The following PARD3B variants were observed in gnomAD, a reference collection of about 807,000 sequenced individuals.
The protein encoded by PARD3B is par-3 family cell polarity regulator beta, also known as partitioning defective 3 homolog B.
Under a neutral mutation model 130.2 loss-of-function variants are expected in PARD3B, and 103 were observed. The observed-to-expected ratio is 0.79, with a 90% CI of 0.67 to 0.93. The LOEUF (loss-of-function observed/expected upper bound fraction) is 0.93. Ranked by LOEUF, PARD3B falls within the 40% of genes least tolerant of loss-of-function variation. The pLI is 0.00. For synonymous variants in PARD3B, 583 were observed against 553.2 expected (o/e 1.05, Z -0.76); for missense variants, 1,609 against 1,499.2 (o/e 1.07, Z -1.21).
chr2:204,636,348 TA>T (rs879919210), intron 1 of PARD3B, among the ~76,000 whole-genome samples: 18 of 152,088 alleles, frequency 1.2e-4, no homozygotes, highest in Non-Finnish European at 1.9e-4. Context: ...CAGGTCAGGT[TA>T]TCCAGCTAGA....
chr2:204,641,329 C>G (rs983505424), intron 1 of PARD3B, among the ~76,000 whole-genome samples: 1 of 151,688 alleles, frequency 6.6e-6, no homozygotes, highest in Admixed American at 6.6e-5. Flanking sequence ...GTAAAAACAA[C>G]TTTGTAAAAT....
At chr2:205,609,553 G>A (rs1444821555) in intron 22 of PARD3B, among the ~76,000 whole-genome samples, 1 of 152,122 alleles carries the variant, frequency 6.6e-6, no homozygotes, top group Non-Finnish European at 1.5e-5. Context: ...GGCTACTTTG[G>A]AAGTTAAAAA....
intron 2 of PARD3B, among the ~76,000 whole-genome samples, chr2:204,766,991 A>ATTGTATTT (rs1553519511): frequency 5.1e-5 from 5 of 98,676 alleles, no homozygotes; most frequent in Non-Finnish European, 1.0e-4. Context: ...CACATTTTTT[A>ATTGTATTT]TTTTATTTTT....
intron 15 of PARD3B, among the ~76,000 whole-genome samples, chr2:205,238,149 G>A (rs11890921): frequency 0.23 from 34,668 of 152,122 alleles, 4,417 homozygotes; most frequent in East Asian, 0.36. Context: ...GGTGCTAGAC[G>A]TGGTACTAGG....
At chr2:205,521,472 TTTATTTTTG>T (rs2051053371) in intron 21 of PARD3B, among the ~76,000 whole-genome samples, 1 of 152,084 alleles carries the variant, frequency 6.6e-6, no homozygotes, top group Non-Finnish European at 1.5e-5. Context: ...CTTAAGGACT[TTTATTTTTG>T]TGTAAACAAA....
intron 2 of PARD3B, among the ~76,000 whole-genome samples, chr2:204,932,453 C>A (rs921778523): frequency 2.6e-5 from 4 of 151,918 alleles, no homozygotes; most frequent in African/African-American, 9.7e-5. Flanking sequence ...TGCATATGAC[C>A]AAGTTGCATT....
At chr2:205,435,535 T>A (rs1195606612) in intron 19 of PARD3B, among the ~76,000 whole-genome samples, 1 of 152,068 alleles carries the variant, frequency 6.6e-6, no homozygotes, top group Non-Finnish European at 1.5e-5. Flanking sequence ...TATTTTCTGC[T>A]ATATGGTAAA....
rs139592131 is a variant in PARD3B, at chr2:204,857,961, G to T, written c.223-107191G>T. On this transcript the variant is annotated intron_variant, in intron 2 of 22. Transcript: ENST00000406610. ...AGATCCTTAATCGTCTAAAGGGAGG[G>T]TTAGTCCTGAACACTTGGTAATTTG... is the stretch of plus-strand genomic sequence containing the variant. Among the ~76,000 whole-genome samples, 100 of 152,208 alleles carry T rather than the reference G, an allele frequency of 6.6e-4. 1 individual carries two copies. The highest frequency in any genetic ancestry group is 6.8e-3 in the Middle Eastern group (2 of 294).
chr2:205,507,196 A>ATTTT (rs71410819), intron 21 of PARD3B, among the ~76,000 whole-genome samples: 2,491 of 25,176 alleles, frequency 0.099, 1,147 homozygotes, highest in East Asian at 0.14. Flanking sequence ...CAGGTGCAGT[A>ATTTT]TTTTTTTTTT....
At chr2:205,002,348 A>G (rs1178985583) in intron 3 of PARD3B, among the ~76,000 whole-genome samples, 1 of 152,148 alleles carries the variant, frequency 6.6e-6, no homozygotes, top group Non-Finnish European at 1.5e-5. Context: ...ATGGTGCCAG[A>G]CCCTGTGCTG....
intron 1 of PARD3B, among the ~76,000 whole-genome samples, chr2:204,564,277 G>A (rs1382442562): frequency 6.6e-6 from 1 of 152,190 alleles, no homozygotes; most frequent in East Asian, 1.9e-4. Context: ...GCAGGTGCCA[G>A]ATGAGTTTCC....
At chr2:205,132,979 C>T (rs1300078863) in intron 10 of PARD3B, among the ~76,000 whole-genome samples, 1 of 151,904 alleles carries the variant, frequency 6.6e-6, no homozygotes, top group East Asian at 1.9e-4. Flanking sequence ...GGCTGGGAAA[C>T]GTATTACTAA....
chr2:204,643,572 A>AT (rs951553052), intron 1 of PARD3B, among the ~76,000 whole-genome samples: 2 of 152,130 alleles, frequency 1.3e-5, no homozygotes, highest in African/African-American at 4.8e-5. Context: ...CCCAACACAG[A>AT]TTCGTAAACT....
rs1343427850 is a variant in PARD3B, at chr2:205,530,421, G to T, written c.3181-22903G>T. Among the ~76,000 whole-genome samples, 1 of 152,130 alleles carries T rather than the reference G, an allele frequency of 6.6e-6. No individual in the cohort carries two copies. Among genetic ancestry groups the T allele is most frequent in the Non-Finnish European group, 1.5e-5 (1 of 68,038 alleles). On this transcript the variant is annotated intron_variant, in intron 21 of 22. Coordinates refer to ENST00000406610, the MANE Select transcript of PARD3B (RefSeq NM_001302769.2). The surrounding 1 kb of genome is among the most constrained non-coding windows in gnomAD (Gnocchi z 4.7). ...TTGTAGCAAAAATAAGGGTTTTATG[G>T]TTGCTGGAAAATAATTTAAATGTTT...
chr2:205,367,429 T>C (rs2044651008), intron 18 of PARD3B, among the ~76,000 whole-genome samples: 2 of 152,116 alleles, frequency 1.3e-5, no homozygotes, highest in African/African-American at 2.4e-5. Context: ...AAAGAAAGAA[T>C]TTCCTGACAG....
chr2:205,123,862 G>GA (rs1453941627), intron 8 of PARD3B, among the ~76,000 whole-genome samples: 1 of 152,152 alleles, frequency 6.6e-6, no homozygotes, highest in East Asian at 1.9e-4. Flanking sequence ...AACAGGACAG[G>GA]AACAACAAGA....
intron 1 of PARD3B, among the ~76,000 whole-genome samples, chr2:204,655,807 A>T (rs1241061271): frequency 6.6e-6 from 1 of 152,114 alleles, no homozygotes; most frequent in African/African-American, 2.4e-5. Flanking sequence ...GTTGCCTGCA[A>T]GTCCGTGGGT....
chr2:204,653,366 G>C (rs1163787889), intron 1 of PARD3B, among the ~76,000 whole-genome samples: 1 of 151,000 alleles, frequency 6.6e-6, no homozygotes, highest in East Asian at 1.9e-4. Flanking sequence ...AAACGTTAAA[G>C]TAACTTTTCA....
rs1491027053 is a variant in PARD3B at position 205,365,393 on chromosome 2, A to AAG, written c.2631-35620_2631-35619insAG. ...GAGACTCCGTCTCAGAAAAAAAAAA[A>AAG]GAAAGAAAAGAAAATCTGCTGTAGC... On this transcript the variant is annotated intron_variant, in intron 18 of 22. Coordinates refer to ENST00000406610, the MANE Select transcript of PARD3B (RefSeq NM_001302769.2). Among the ~76,000 whole-genome samples, 366 of 142,454 alleles carry AAG rather than the reference A, an allele frequency of 2.6e-3. 2 individuals are homozygous for AAG. Among genetic ancestry groups the AAG allele is most frequent in the African/African-American group, 8.4e-3 (336 of 40,108 alleles). 93.5% of individuals were successfully genotyped at this position (142,454 alleles called of 152,430 possible).
Sources: allele counts gnomAD v4.1 joint callset (sites outside exome capture counted in the v4.1 genomes callset), GRCh38; gene constraint gnomAD v4.1.1; non-coding constraint Gnocchi (gnomAD v3.1); transcripts MANE v1.5; gene names NCBI Gene and HGNC (gene_info 2026-07-23, HGNC 2026-07-21).